CLU: variants seen among roughly 807,000 people sequenced by gnomAD.
CLU encodes the protein aging-associated protein 4.
Under a neutral mutation model 46.4 loss-of-function variants are expected in CLU, and 25 were observed. That is an observed-to-expected ratio of 0.54 (90% CI 0.39 to 0.75). The LOEUF (loss-of-function observed/expected upper bound fraction) is 0.75, where lower values mean the gene tolerates loss of function less well. Among genes scored for constraint, CLU ranks in the 30% least tolerant of loss-of-function variants. CLU has a pLI of 0.00. For missense variants in CLU, 504 were observed against 592.1 expected, an observed-to-expected ratio of 0.85 and a Z score of 1.54; for synonymous variants, 235 against 235.1, an observed-to-expected ratio of 1.00 and a Z score of 0.00.
chr8:27,609,080 G>T lies in CLU; in HGVS notation c.104C>A (p.Ser35Tyr). 1 of 1,613,924 alleles carries T rather than the reference G, an allele frequency of 6.2e-7. No homozygotes were observed. The highest frequency in any genetic ancestry group is 8.5e-7 in the Non-Finnish European group (1 of 1,180,022). The change falls in exon 3 of 9, where the codon TCC becomes TAC. Residue 35 changes from serine to tyrosine, a missense_variant. Transcript: ENST00000316403. ...ATTGACGTACTTACTTCCCTGATTGGACATTTCTGCAAGAGAAGTGCAAGA... is the reference window on the plus strand; with the variant it reads ...ATTGACGTACTTACTTCCCTGATTGTACATTTCTGCAAGAGAAGTGCAAGA... The part of the protein sequence containing the change: ...TVSDNELQEM[S>Y]NQGSKYVNKE...
In CLU at chr8:27,598,560, G is replaced by A. The variant is rs767322464; in HGVS notation, c.1240C>T (p.Pro414Ser). ...TCTACAGGGACCGTCACAGTGATGG[G>A]ATCAGAGTCAAAGAGCTTCACGACC... is the stretch of plus-strand genomic sequence containing the variant. ...EVVVKLFDSD[P>S]ITVTVPVEVS... is the part of the protein sequence containing the mutation. The change falls in exon 8 of 9, where the codon CCC becomes TCC. Residue 414 changes from proline (P) to serine (S), a missense_variant. Pro to Ser is a moderately conservative substitution (Grantham distance 74, BLOSUM62 -1). Around this residue, in one of 3 missense-constraint regions of CLU, gnomAD observed 428 missense variants for 484.0 expected, o/e 0.88. Coordinates refer to ENST00000316403, the MANE Select transcript of CLU (RefSeq NM_001831.4). 1 of 1,614,138 alleles carries A rather than the reference G, an allele frequency of 6.2e-7. No individual in the cohort carries two copies. Among genetic ancestry groups the A allele is most frequent in the Admixed American group, 1.7e-5 (1 of 60,030 alleles).
Position 27,599,781 on chromosome 8 carries a change from G to A in CLU, c.1163C>T (p.Thr388Met), listed in dbSNP as rs375247155. 1.4e-5 allele frequency: 23 copies of A among 1,605,526 alleles called. No individual in the cohort carries two copies. The highest frequency in any genetic ancestry group is 8.0e-5 in the African/African-American group (6 of 74,712). Residue 388 changes from threonine (T) to methionine (M), a missense_variant and splice_region_variant, in exon 7 of 9, where the codon ACG (threonine) becomes ATG (methionine). This residue lies in a region of CLU where 428 missense variants were observed against 484.0 expected (regional missense o/e 0.88). Coordinates refer to ENST00000316403, the MANE Select transcript of CLU (RefSeq NM_001831.4). The surrounding 1 kb of genome is among the most constrained non-coding windows in gnomAD (Gnocchi z 4.0). ...GCATGTGGCCGGGACACAGCTCACC[G>A]TGGTGACCCGCAGATAGTACTGGTC... ...GEDQYYLRVT[T>M]VASHTSDSDV...
rs1461611022 is a variant in CLU, at chr8:27,606,436, T to C, written c.335A>G (p.Glu112Gly). The C allele has an allele frequency of 1.2e-6, 2 of 1,614,100 alleles. No individual in the cohort carries two copies. Among genetic ancestry groups the C allele is most frequent in the Admixed American group, 3.3e-5 (2 of 60,008 alleles). ...CNETMMALWE[E>G]CKPCLKQTCM... is the part of the protein sequence containing the mutation. ...GGTCTGTTTCAGGCAGGGCTTACAC[T>C]CTTCCCAGAGGGCCATCATGGTCTC... Residue 112 changes from glutamate to glycine, a missense_variant, in exon 4 of 9, where the codon GAG (glutamate) becomes GGG (glycine). Physicochemically the swap from Glu to Gly is moderately conservative, Grantham distance 98 (BLOSUM62 -2). Coordinates refer to ENST00000316403, the MANE Select transcript of CLU (RefSeq NM_001831.4).
chr8:27,606,844 G>A (rs1800831122), intron 3 of CLU, among the ~76,000 whole-genome samples: 2 of 152,190 alleles, frequency 1.3e-5, no homozygotes, highest in African/African-American at 4.8e-5. Context: ...CCCTCTCACT[G>A]AAGCCTCATT....
rs545073981 is a variant in CLU at position 27,599,729 on chromosome 8, G to A, written c.1164+51C>T. On this transcript the variant is annotated intron_variant, in intron 7 of 8. Transcript: ENST00000316403. This position sits in a 1 kb window ranked among gnomAD's most constrained non-coding sequence, Gnocchi z 4.0. ...CAAAAGCACACATGCCCCTGCTCCC[G>A]ATCACAGCTCGGGCTCCCGAGCCAC... is the stretch of plus-strand genomic sequence containing the variant. 5.7e-6 allele frequency: 8 copies of A among 1,395,762 alleles called. No individual in the cohort carries two copies. Among genetic ancestry groups the A allele is most frequent in the South Asian group, 2.4e-5 (2 of 82,720 alleles). The allele number at this position is 1,395,762 out of a possible 1,614,324, so 86.5% of individuals were successfully genotyped here. A position where few individuals can be genotyped will look rare whatever the true frequency, so the allele number is the denominator to read the frequency against.
intron 6 of CLU, 47 bp downstream of exon 6, chr8:27,604,244 A>G: frequency 1.4e-6 from 2 of 1,454,050 alleles, no homozygotes; most frequent in Non-Finnish European, 1.9e-6. Flanking sequence ...TGACCCCAGG[A>G]CACAAGGGAT....
At chr8:27,607,397 G>A (rs1323988276) in intron 3 of CLU, among the ~76,000 whole-genome samples, 1 of 150,474 alleles carries the variant, frequency 6.6e-6, no homozygotes, top group Non-Finnish European at 1.5e-5. Context: ...GGAATCCCCT[G>A]ACAAAGAAAA....
Position 27,597,341 on chromosome 8 carries a change from A to G in CLU, c.*900T>C, listed in dbSNP as rs1240581182. 8.8e-6 allele frequency: 4 copies of G among 454,386 alleles called. No individual in the cohort carries two copies. The highest frequency in any genetic ancestry group is 3.1e-5 in the South Asian group (2 of 64,462). 28.1% of individuals were successfully genotyped at this position (454,386 alleles called of 1,614,324 possible). On this transcript the variant is annotated 3_prime_UTR_variant, in exon 9 of 9. Coordinates refer to ENST00000316403, the MANE Select transcript of CLU (RefSeq NM_001831.4). The stretch of plus-strand genomic sequence containing the variant: ...AGTCATGGCCACCTGCTGGCAGCGT[A>G]GGGTACTGCAGCCCAGCTATGGTTC...
rs923712280 is a variant in CLU at position 27,597,416 on chromosome 8, A to G, written c.*825T>C. On this transcript the variant is annotated 3_prime_UTR_variant, in exon 9 of 9. Coordinates refer to ENST00000316403, the MANE Select transcript of CLU (RefSeq NM_001831.4). ...TGGTCCAGGGAAAGGTATGAAGATCATATAAACCGGCGGTGGACAGGAAAT... is the reference window on the plus strand; with the variant it reads ...TGGTCCAGGGAAAGGTATGAAGATCGTATAAACCGGCGGTGGACAGGAAAT... 1.1e-5 allele frequency: 5 copies of G among 454,418 alleles called. No individual in the cohort carries two copies. Among genetic ancestry groups the G allele is most frequent in the Admixed American group, 4.7e-5 (2 of 42,558 alleles). The allele number at this position is 454,418 out of a possible 1,614,324, so 28.1% of individuals were successfully genotyped here. A position where few individuals can be genotyped will look rare whatever the true frequency, so the allele number is the denominator to read the frequency against.
rs1470112369 is a variant in CLU, at chr8:27,605,130, G to A, written c.623C>T (p.Pro208Leu). The A allele has an allele frequency of 6.2e-7, 1 of 1,614,160 alleles. No individual in the cohort carries two copies. The highest frequency in any genetic ancestry group is 1.7e-5 in the Admixed American group (1 of 60,026). ...REPQDTYHYL[P>L]FSLPHRRPHF... ...AGGCCTCCGGTGGGGCAGGCTGAAGGGCAGGTAGTGGTAGGTATCCTGGGG... is the reference window on the plus strand; with the variant it reads ...AGGCCTCCGGTGGGGCAGGCTGAAGAGCAGGTAGTGGTAGGTATCCTGGGG... The change falls in exon 5 of 9, where the codon CCC becomes CTC. Residue 208 changes from proline to leucine, a missense_variant. By Grantham distance (98) the Pro-to-Leu change is moderately conservative. Coordinates refer to ENST00000316403, the MANE Select transcript of CLU (RefSeq NM_001831.4).
At chr8:27,612,535 C>T (rs1008386051) in intron 1 of CLU, among the ~76,000 whole-genome samples, 1 of 152,098 alleles carries the variant, frequency 6.6e-6, no homozygotes, top group African/African-American at 2.4e-5. Context: ...CACCTGTGGT[C>T]CCCCGGACTG....
chr8:27,610,692 C>G, intron 1 of CLU, 92 bp from the exon 2 acceptor site: 2 of 889,790 alleles, frequency 2.2e-6, no homozygotes, highest in Non-Finnish European at 3.8e-6. Flanking sequence ...CAGGGCCTCA[C>G]TGCCCTCAGC....
intron 1 of CLU, 112 bp downstream of exon 1, chr8:27,614,543 G>A (rs1236830137): frequency 1.1e-5 from 4 of 378,260 alleles, no homozygotes; most frequent in African/African-American, 4.4e-5. Flanking sequence ...CGAAAGCGCA[G>A]GGGTTGTGAC....
chr8:27,604,465 G>A (rs376908644), intron 5 of CLU, 70 bp from the exon 6 acceptor site: 2 of 1,208,794 alleles, frequency 1.7e-6, no homozygotes, highest in Non-Finnish European at 2.4e-6. Flanking sequence ...GATTCCTATT[G>A]TTATTTTTAT....
Position 27,606,690 on chromosome 8 carries a change from G to A in CLU, c.247-166C>T, listed in dbSNP as rs574837427. On this transcript the variant is annotated intron_variant, in intron 3 of 8. Transcript: ENST00000316403. ...CTCCAGTTCAAGCTTCCCCTCATTC[G>A]CCCACCTGGAATCCCCTTCCCACCT... 1.5e-3 allele frequency among the ~76,000 whole-genome samples: 228 copies of A among 152,188 alleles called. 2 individuals are homozygous for A. Among genetic ancestry groups the A allele is most frequent in the Non-Finnish European group, 7.6e-4 (52 of 68,000 alleles).
chr8:27,598,353 C>T (rs1057085278), intron 8 of CLU, 103 bp from the exon 9 acceptor site: 20 of 1,592,378 alleles, frequency 1.3e-5, no homozygotes, highest in Non-Finnish European at 1.6e-5. Flanking sequence ...TGGCTCCGGG[C>T]GGAGTCGTTC....
intron 3 of CLU, among the ~76,000 whole-genome samples, chr8:27,607,336 C>G (rs1312224357): frequency 1.0e-5 from 1 of 99,670 alleles, no homozygotes; most frequent in Non-Finnish European, 2.0e-5. Flanking sequence ...GACTCTGTCT[C>G]AAAAAAACAA....
intron 1 of CLU, chr8:27,613,948 C>T (rs962621114): frequency 3.3e-5 from 5 of 152,120 alleles, no homozygotes; most frequent in African/African-American, 7.2e-5. Context: ...GGCTTTGGCT[C>T]GAATCCCAAT....
intron 6 of CLU, among the ~76,000 whole-genome samples, chr8:27,603,396 C>T (rs776383896): frequency 1.3e-5 from 2 of 152,190 alleles, no homozygotes; most frequent in Non-Finnish European, 2.9e-5. Flanking sequence ...TAGACCCTGG[C>T]GGCCTGCCAT....
Sources: gnomAD v4.1 joint callset for allele counts (sites outside exome capture counted in the v4.1 genomes callset) on GRCh38, gnomAD v4.1.1 for gene constraint, gnomAD v4.1.1 regional missense constraint, Gnocchi (gnomAD v3.1) non-coding constraint, MANE v1.5 for transcripts, NCBI Gene and HGNC (gene_info 2026-07-23, HGNC 2026-07-21) for gene names.